Variants in UST observed in about 807,000 individuals in gnomAD.
UST encodes the protein chondroitin sulfate 2-O-sulfotransferase.
Under a neutral mutation model 45.6 loss-of-function variants are expected in UST, and 21 were observed. The ratio of observed to expected loss-of-function variants is 0.46; its 90% CI spans 0.33 to 0.66. The LOEUF (loss-of-function observed/expected upper bound fraction) is 0.66. Ranked by LOEUF, UST falls within the 30% of genes least tolerant of loss-of-function variation. The pLI, the probability that UST is intolerant of heterozygous loss-of-function variation, is 0.02. For synonymous variants in UST, 215 were observed against 200.6 expected, an observed-to-expected ratio of 1.07 and a Z score of -0.61; for missense variants, 463 against 512.4, an observed-to-expected ratio of 0.90 and a Z score of 0.93.
At chr6:149,057,574 A>G (rs1473450305) in intron 7 of UST, among the ~76,000 whole-genome samples, 1 of 152,254 alleles carries the variant, frequency 6.6e-6, no homozygotes, top group Non-Finnish European at 1.5e-5. Flanking sequence ...ATGATCGCTT[A>G]TGAACAAGGA....
chr6:148,909,120 ATAATAT>A (rs1023211957), intron 2 of UST, among the ~76,000 whole-genome samples: 58 of 121,656 alleles, frequency 4.8e-4, no homozygotes, highest in African/African-American at 1.5e-3. Context: ...TTTATTGGAA[ATAATAT>A]TTATCTTGTA....
chr6:148,855,322 C>T (rs1310089182), intron 1 of UST, among the ~76,000 whole-genome samples: 3 of 152,200 alleles, frequency 2.0e-5, no homozygotes, highest in Non-Finnish European at 4.4e-5. Context: ...TTTGTTATCT[C>T]CTCTCATAGT....
At chr6:148,981,684 A>G (rs1582941644) in intron 5 of UST, among the ~76,000 whole-genome samples, 2 of 152,380 alleles carry the variant, frequency 1.3e-5, no homozygotes, top group East Asian at 3.9e-4. Flanking sequence ...AAGTGCATAC[A>G]TATTTGATTT....
intron 2 of UST, among the ~76,000 whole-genome samples, chr6:148,918,479 C>T (rs1202180080): frequency 6.6e-6 from 1 of 152,148 alleles, no homozygotes; most frequent in Non-Finnish European, 1.5e-5. Flanking sequence ...AGACAATGTG[C>T]TTTTTAAAGA....
intron 5 of UST, among the ~76,000 whole-genome samples, chr6:148,988,723 A>T (rs1021346087): frequency 6.6e-6 from 1 of 152,156 alleles, no homozygotes; most frequent in African/African-American, 2.4e-5. Flanking sequence ...TTCCTACAAC[A>T]TGTAATACTG....
intron 7 of UST, among the ~76,000 whole-genome samples, chr6:149,055,797 C>G (rs1456965418): frequency 6.6e-6 from 1 of 152,172 alleles, no homozygotes; most frequent in African/African-American, 2.4e-5. Flanking sequence ...GCTTGTGCTG[C>G]ATCAAAAGTC....
At chr6:148,882,091 TCTG>T (rs570938555) in intron 1 of UST, among the ~76,000 whole-genome samples, 100 of 152,258 alleles carry the variant, frequency 6.6e-4, no homozygotes, top group African/African-American at 1.9e-3. Context: ...AGCACGGTGA[TCTG>T]CTGGTGAGAT....
intron 6 of UST, among the ~76,000 whole-genome samples, chr6:149,020,567 A>G (rs1255836406): frequency 6.6e-6 from 1 of 152,224 alleles, no homozygotes; most frequent in Non-Finnish European, 1.5e-5. Context: ...CTCTTTCATC[A>G]TATCACCTTG....
intron 1 of UST, among the ~76,000 whole-genome samples, chr6:148,811,180 G>T (rs1167716579): frequency 6.6e-6 from 1 of 152,154 alleles, no homozygotes; most frequent in Non-Finnish European, 1.5e-5. Flanking sequence ...TCTTACCTGG[G>T]GGACTTACTT....
chr6:148,983,476 T>A (rs1304284302), intron 5 of UST, among the ~76,000 whole-genome samples: 1 of 152,114 alleles, frequency 6.6e-6, no homozygotes, highest in Non-Finnish European at 1.5e-5. Flanking sequence ...ATACCTCAAT[T>A]AGTCATAATA....
chr6:148,823,062 C>T (rs142847275), intron 1 of UST, among the ~76,000 whole-genome samples: 274 of 152,292 alleles, frequency 1.8e-3, no homozygotes, highest in African/African-American at 6.2e-3. Context: ...TTCCCCACAT[C>T]TGTCTACATC....
At chr6:148,973,636 C>A (rs557769502) in intron 5 of UST, among the ~76,000 whole-genome samples, 3 of 152,280 alleles carry the variant, frequency 2.0e-5, no homozygotes, top group African/African-American at 7.2e-5. Context: ...GAATTTTATA[C>A]CCCACACTTA....
At chr6:149,064,892 C>A (rs911569175) in intron 7 of UST, among the ~76,000 whole-genome samples, 1 of 91,482 alleles carries the variant, frequency 1.1e-5, no homozygotes, top group African/African-American at 4.9e-5. Context: ...GAATCCATTT[C>A]TAAAAAAAAA....
intron 1 of UST, among the ~76,000 whole-genome samples, chr6:148,860,429 T>G (rs1346790021): frequency 6.6e-6 from 1 of 152,256 alleles, no homozygotes; most frequent in Admixed American, 6.5e-5. Context: ...TATACAGTCA[T>G]GTCATCTGCA....
At chr6:148,796,039 G>C (rs1776942468) in intron 1 of UST, among the ~76,000 whole-genome samples, 1 of 152,160 alleles carries the variant, frequency 6.6e-6, no homozygotes, top group Non-Finnish European at 1.5e-5. Flanking sequence ...AGGACAGCGT[G>C]GTGGATAATT....
At chr6:149,046,273 TCA>T (rs1481593822) in intron 7 of UST, among the ~76,000 whole-genome samples, 4 of 152,224 alleles carry the variant, frequency 2.6e-5, no homozygotes, top group Non-Finnish European at 5.9e-5. Context: ...AATATGCAGG[TCA>T]CACACAATTA....
intron 7 of UST, among the ~76,000 whole-genome samples, chr6:149,045,608 G>A (rs996210809): frequency 6.6e-6 from 1 of 152,152 alleles, no homozygotes; most frequent in Non-Finnish European, 1.5e-5. Flanking sequence ...ACAGGGAGGT[G>A]ACTGGAAGGT....
intron 1 of UST, among the ~76,000 whole-genome samples, chr6:148,861,615 G>C (rs1778314828): frequency 6.6e-6 from 1 of 152,092 alleles, no homozygotes; most frequent in Admixed American, 6.6e-5. Context: ...GATCTTTCCT[G>C]CTTTCTCTTG....
chr6:148,914,860 A>G (rs1380920962), intron 2 of UST, among the ~76,000 whole-genome samples: 1 of 152,240 alleles, frequency 6.6e-6, no homozygotes, highest in East Asian at 1.9e-4. Flanking sequence ...ATAAAAGATT[A>G]TGTCTTTCAG....
Sources: gnomAD v4.1 joint callset for allele counts (sites outside exome capture counted in the v4.1 genomes callset) on GRCh38, gnomAD v4.1.1 for gene constraint, MANE v1.5 for transcripts, NCBI Gene and HGNC (gene_info 2026-07-23, HGNC 2026-07-21) for gene names.